Variants in KCTD14 observed in about 807,000 individuals in gnomAD.
KCTD14 encodes the protein potassium channel tetramerization domain containing 14.
Under a neutral mutation model 5.9 loss-of-function variants are expected in KCTD14, and 7 were observed. The ratio of observed to expected loss-of-function variants is 1.19; its 90% CI spans 0.68 to 2.23. KCTD14 has a LOEUF of 2.23. Among genes scored for constraint, KCTD14 ranks in the 30% most tolerant of loss-of-function variants. KCTD14 has a pLI of 0.00. For synonymous variants in KCTD14, 140 were observed against 133.1 expected, an observed-to-expected ratio of 1.05 and a Z score of -0.36; for missense variants, 342 against 332.2, an observed-to-expected ratio of 1.03 and a Z score of -0.23.
chr11:78,017,366 G>A, intron 1 of KCTD14, 96 bp from the exon 2 acceptor site: 1 of 1,422,128 alleles, frequency 7.0e-7, no homozygotes, highest in Non-Finnish European at 9.3e-7. Context: ...AAACTTAGGG[G>A]AGCCATAATG....
intron 1 of KCTD14, among the ~76,000 whole-genome samples, chr11:78,043,143 T>G (rs1306202033): frequency 6.6e-6 from 1 of 152,206 alleles, no homozygotes; most frequent in Admixed American, 6.5e-5. Flanking sequence ...GCCACCGCAC[T>G]TGGCCTCTGT....
In KCTD14 at chr11:78,017,179, T is replaced by G; in HGVS notation, c.182A>C (p.Glu61Ala). ...LRKFPGSKLAEMFSSLAKAST... is the reference protein window; with the variant it reads ...LRKFPGSKLAAMFSSLAKAST... ...GGCCTTGGCTAAGCTAGAGAACATC[T>G]CTGCCAGCTTTGAGCCCGGAAACTT... The change falls in exon 2 of 2, where the codon GAG becomes GCG. Residue 61 changes from glutamate to alanine, a missense_variant. Coordinates refer to ENST00000353172, the MANE Select transcript of KCTD14 (RefSeq NM_023930.4). 6.2e-7 allele frequency: 1 copy of G among 1,613,932 alleles called. No individual in the cohort carries two copies. The highest frequency in any genetic ancestry group is 8.5e-7 in the Non-Finnish European group (1 of 1,179,878).
intron 1 of KCTD14, among the ~76,000 whole-genome samples, chr11:78,040,927 C>T (rs761846318): frequency 3.3e-5 from 5 of 152,134 alleles, no homozygotes; most frequent in Non-Finnish European, 5.9e-5. Context: ...GCCTCAACCT[C>T]CTGAAGTGCT....
intron 2 of KCTD14, among the ~76,000 whole-genome samples, chr11:78,037,846 T>C (rs891318063): frequency 2.0e-5 from 3 of 152,010 alleles, no homozygotes; most frequent in African/African-American, 7.2e-5. Context: ...AAAAAATCAT[T>C]GCCTCCCTAA....
chr11:78,028,580 G>T (rs1188926876), intron 2 of KCTD14, among the ~76,000 whole-genome samples: 3 of 148,074 alleles, frequency 2.0e-5, no homozygotes. Context: ...TCCAGCTTTG[G>T]CAATAGAGCA....
intron 2 of KCTD14, among the ~76,000 whole-genome samples, chr11:78,033,533 T>C (rs1357822109): frequency 6.6e-6 from 1 of 151,788 alleles, no homozygotes. Context: ...AATACAAAAA[T>C]TAGCCGGGCA....
chr11:78,027,106 A>C (rs979769405), upstream of KCTD14, among the ~76,000 whole-genome samples: 2 of 152,112 alleles, frequency 1.3e-5, no homozygotes, highest in African/African-American at 4.8e-5. Context: ...CTCAAAAAAA[A>C]TTAATTAATT....
intron 1 of KCTD14, among the ~76,000 whole-genome samples, chr11:78,044,196 G>C (rs1431437510): frequency 6.6e-6 from 1 of 152,188 alleles, no homozygotes; most frequent in African/African-American, 2.4e-5. Context: ...CCTCTAACCA[G>C]GTGAGCGAGG....
chr11:78,038,887 T>TG, intron 1 of KCTD14: 1 of 1,117,242 alleles, frequency 9.0e-7, no homozygotes. Context: ...ACTGCTGCTG[T>TG]GGTCACGGTC....
chr11:78,028,033 G>A (rs1444451656), upstream of KCTD14, among the ~76,000 whole-genome samples: 1 of 152,094 alleles, frequency 6.6e-6, no homozygotes, highest in Non-Finnish European at 1.5e-5. Flanking sequence ...TAGTTTTTCA[G>A]GTTAACTTTG....
intron 2 of KCTD14, among the ~76,000 whole-genome samples, chr11:78,034,903 G>T (rs1221812169): frequency 1.3e-5 from 2 of 152,058 alleles, no homozygotes; most frequent in Non-Finnish European, 1.5e-5. Flanking sequence ...TGCTTCGGGG[G>T]CCACCCTCTT....
At chr11:78,024,749 C>T (rs4945237), upstream of KCTD14, among the ~76,000 whole-genome samples, 112,562 of 151,392 alleles carry the variant, frequency 0.74, 42,657 homozygotes, top group Non-Finnish European at 0.81. Context: ...AGTTCGAGAC[C>T]AGCCTGACTA....
chr11:78,032,430 C>G (rs1215956705), intron 2 of KCTD14, among the ~76,000 whole-genome samples: 1 of 152,236 alleles, frequency 6.6e-6, no homozygotes, highest in African/African-American at 2.4e-5. Context: ...AAAAGGTAAC[C>G]TTTGTTTCAC....
At chr11:78,028,485 C>T (rs892487856) in intron 2 of KCTD14, among the ~76,000 whole-genome samples, 4 of 151,978 alleles carry the variant, frequency 2.6e-5, no homozygotes, top group Non-Finnish European at 5.9e-5. Context: ...CGCCTATAGT[C>T]CCAGCTACTC....
intron 2 of KCTD14, among the ~76,000 whole-genome samples, chr11:78,034,466 TCTCTCTCTCTCTGC>T (rs1410035754): frequency 2.0e-5 from 3 of 152,230 alleles, no homozygotes; most frequent in Non-Finnish European, 4.4e-5. Context: ...TTTCTCTCTC[TCTCTCTCTCTCTGC>T]CTCTCTCCTC....
At chr11:78,033,782 G>C (rs1325015622) in intron 2 of KCTD14, among the ~76,000 whole-genome samples, 1 of 149,302 alleles carries the variant, frequency 6.7e-6, no homozygotes, top group African/African-American at 2.5e-5. Context: ...AGAGGTAGAG[G>C]TTGCAATGAG....
intron 2 of KCTD14, among the ~76,000 whole-genome samples, chr11:78,036,398 C>T (rs1456546341): frequency 1.3e-5 from 2 of 152,170 alleles, no homozygotes; most frequent in Non-Finnish European, 2.9e-5. Context: ...TTTGTATGCA[C>T]GATTGAGTTT....
intron 1 of KCTD14, among the ~76,000 whole-genome samples, chr11:78,044,570 G>T (rs1015599206): frequency 2.0e-5 from 3 of 152,172 alleles, no homozygotes; most frequent in African/African-American, 7.2e-5. Flanking sequence ...ATTGCCACAA[G>T]GCCAGCCATG....
chr11:78,034,920 T>C (rs1348142921), intron 2 of KCTD14, among the ~76,000 whole-genome samples: 1 of 152,130 alleles, frequency 6.6e-6, no homozygotes, highest in African/African-American at 2.4e-5. Flanking sequence ...TCTTCTTTAC[T>C]CTCTACCGCC....
Sources: allele counts gnomAD v4.1 joint callset (sites outside exome capture counted in the v4.1 genomes callset), GRCh38; gene constraint gnomAD v4.1.1; transcripts MANE v1.5; gene names NCBI Gene and HGNC (gene_info 2026-07-23, HGNC 2026-07-21).